The following DIAPH3 variants were observed in gnomAD, a reference collection of about 807,000 sequenced individuals.
DIAPH3 encodes the protein diaphanous related formin 3, also known as protein diaphanous homolog 3.
DIAPH3 carries 117 observed loss-of-function variants against 144.3 expected under a neutral mutation model. The observed-to-expected ratio is 0.81, with a 90% CI of 0.70 to 0.95. The LOEUF (loss-of-function observed/expected upper bound fraction) is 0.95, where lower values mean the gene tolerates loss of function less well. Ranked by LOEUF, DIAPH3 falls within the 40% of genes least tolerant of loss-of-function variation. DIAPH3 has a pLI of 0.00. For synonymous variants in DIAPH3, 519 were observed against 488.9 expected, an observed-to-expected ratio of 1.06 and a Z score of -0.81; for missense variants, 1,421 against 1,412.7, an observed-to-expected ratio of 1.01 and a Z score of -0.09.
At chr13:59,970,514 C>T (rs1300564543) in intron 16 of DIAPH3, among the ~76,000 whole-genome samples, 2 of 152,026 alleles carry the variant, frequency 1.3e-5, no homozygotes, top group Non-Finnish European at 2.9e-5. Context: ...TTCCTAAGAA[C>T]ACCATCATTT....
At chr13:60,071,264 C>A (rs1195038974) in intron 4 of DIAPH3, among the ~76,000 whole-genome samples, 1 of 152,150 alleles carries the variant, frequency 6.6e-6, no homozygotes, top group Non-Finnish European at 1.5e-5. Context: ...TCTTCCTTTT[C>A]TGATTGCTGT....
In DIAPH3 at chr13:60,009,371, C is replaced by A. The variant is rs1045966341; in HGVS notation, c.909-722G>T. 4.0e-5 allele frequency among the ~76,000 whole-genome samples: 6 copies of A among 149,212 alleles called. No homozygotes were observed. In the East Asian group the frequency reaches 9.9e-4, roughly 24 times the overall value. ...AGAAACAAGGAAAAGGGAAGGATAA[C>A]AGAATAGGGAAGGGAAAAGAAAAGC... On this transcript the variant is annotated intron_variant, in intron 8 of 27. Transcript: ENST00000400324.
intron 4 of DIAPH3, among the ~76,000 whole-genome samples, chr13:60,071,828 T>C (rs1302587136): frequency 2.0e-5 from 3 of 152,076 alleles, no homozygotes; most frequent in Non-Finnish European, 4.4e-5. Context: ...TCTAATCTAA[T>C]CAATCTAATC....
chr13:60,140,315 A>C (rs1207580603), intron 1 of DIAPH3, among the ~76,000 whole-genome samples: 1 of 152,244 alleles, frequency 6.6e-6, no homozygotes, highest in African/African-American at 2.4e-5. Flanking sequence ...TAACCTAATA[A>C]TTCTACTTCT....
intron 9 of DIAPH3, among the ~76,000 whole-genome samples, chr13:60,007,781 C>G (rs1223053634): frequency 6.6e-6 from 1 of 152,058 alleles, no homozygotes; most frequent in African/African-American, 2.4e-5. Flanking sequence ...ATGTTTAAGT[C>G]TAAATGTGTC....
At chr13:60,016,590 A>C (rs1156362990) in intron 5 of DIAPH3, among the ~76,000 whole-genome samples, 1 of 152,234 alleles carries the variant, frequency 6.6e-6, no homozygotes, top group South Asian at 2.1e-4. Context: ...GTGAGTAAAG[A>C]TCTATGGAGG....
At chr13:59,714,292 G>A (rs1031806938) in intron 27 of DIAPH3, among the ~76,000 whole-genome samples, 6 of 149,542 alleles carry the variant, frequency 4.0e-5, no homozygotes, top group Admixed American at 1.3e-4. Context: ...CCCGGGAGGC[G>A]GAGCTTGCAG....
At chr13:59,881,742 G>A (rs1270469800) in intron 20 of DIAPH3, among the ~76,000 whole-genome samples, 1 of 151,984 alleles carries the variant, frequency 6.6e-6, no homozygotes, top group Non-Finnish European at 1.5e-5. Flanking sequence ...AGTGCTACAA[G>A]TTCATGAAAA....
chr13:60,038,776 CA>C (rs975424105), intron 5 of DIAPH3, among the ~76,000 whole-genome samples: 3 of 151,812 alleles, frequency 2.0e-5, no homozygotes, highest in African/African-American at 7.3e-5. Flanking sequence ...GATTTTGAGA[CA>C]AAAAATCTTA....
chr13:60,133,011 T>C (rs753772117), intron 1 of DIAPH3, 22 bp from the exon 2 acceptor site: 1 of 1,564,512 alleles, frequency 6.4e-7, no homozygotes, highest in Non-Finnish European at 8.8e-7. Flanking sequence ...AAAAAAGCAA[T>C]CATATTAGTA....
At chr13:59,818,554 G>A (rs150782683) in intron 24 of DIAPH3, among the ~76,000 whole-genome samples, 11 of 151,646 alleles carry the variant, frequency 7.3e-5, no homozygotes, top group Non-Finnish European at 1.6e-4. Flanking sequence ...TATTTATCTG[G>A]CTTTGTATAA....
chr13:60,160,163 G>A (rs1468013806), intron 1 of DIAPH3, among the ~76,000 whole-genome samples: 2 of 152,166 alleles, frequency 1.3e-5, no homozygotes, highest in African/African-American at 4.8e-5. Context: ...GGCGGAGCTT[G>A]CAGTGAGCCG....
At chr13:59,960,676 C>CA (rs142610813) in intron 17 of DIAPH3, among the ~76,000 whole-genome samples, 10,643 of 152,070 alleles carry the variant, frequency 0.07, 411 homozygotes, top group Admixed American at 0.11. Context: ...GAATTATTAG[C>CA]AAAAACAAGT....
chr13:60,059,818 T>C (rs150025787), intron 4 of DIAPH3, among the ~76,000 whole-genome samples: 24 of 152,102 alleles, frequency 1.6e-4, no homozygotes, highest in Non-Finnish European at 2.7e-4. Context: ...CTGATATTCT[T>C]AGTCATTGGT....
chr13:59,993,393 A>G (rs1367676097), intron 9 of DIAPH3, among the ~76,000 whole-genome samples: 2 of 151,742 alleles, frequency 1.3e-5, no homozygotes, highest in Non-Finnish European at 2.9e-5. Context: ...CTATTTTTCT[A>G]AAGTCTACAT....
chr13:60,045,550 A>T (rs1211400979), intron 4 of DIAPH3, among the ~76,000 whole-genome samples: 1 of 152,198 alleles, frequency 6.6e-6, no homozygotes, highest in East Asian at 1.9e-4. Context: ...CTTCCTGCCT[A>T]CAGACTATTG....
chr13:59,905,365 A>G, intron 20 of DIAPH3, among the ~76,000 whole-genome samples: 1 of 144,344 alleles, frequency 6.9e-6, no homozygotes, highest in Non-Finnish European at 1.6e-5. Flanking sequence ...AAAAAAAAAA[A>G]AAAAAGTGTA....
chr13:60,026,793 G>T (rs541782932), intron 5 of DIAPH3, among the ~76,000 whole-genome samples: 4 of 151,834 alleles, frequency 2.6e-5, no homozygotes, highest in Non-Finnish European at 5.9e-5. Context: ...CATTTTTCTT[G>T]ATTTTGCTTT....
intron 4 of DIAPH3, among the ~76,000 whole-genome samples, 199 bp from the exon 5 acceptor site, chr13:60,043,019 T>C (rs1373945594): frequency 6.6e-6 from 1 of 152,184 alleles, no homozygotes; most frequent in Non-Finnish European, 1.5e-5. Context: ...GATAGTAATA[T>C]AACATCAGAA....
Sources: gnomAD v4.1 joint callset for allele counts (sites outside exome capture counted in the v4.1 genomes callset) on GRCh38, gnomAD v4.1.1 for gene constraint, MANE v1.5 for transcripts, NCBI Gene and HGNC (gene_info 2026-07-23, HGNC 2026-07-21) for gene names.